LMNB1: variants seen among roughly 807,000 people sequenced by gnomAD.
The protein encoded by LMNB1 is lamin-B1.
Under a neutral mutation model 67.1 loss-of-function variants are expected in LMNB1, and 23 were observed. That is an observed-to-expected ratio of 0.34 (90% CI 0.25 to 0.49). The LOEUF is 0.49. LMNB1 is among the 20% of genes least tolerant of loss of function. LMNB1 has a pLI of 0.99. For synonymous variants in LMNB1, 281 were observed against 282.9 expected, an observed-to-expected ratio of 0.99 and a Z score of 0.07; for missense variants, 634 against 746.5, an observed-to-expected ratio of 0.85 and a Z score of 1.76.
At chr5:126,808,916 C>T (rs1272137771) in intron 3 of LMNB1, among the ~76,000 whole-genome samples, 1 of 151,614 alleles carries the variant, frequency 6.6e-6, no homozygotes, top group African/African-American at 2.4e-5. Context: ...AGCTCAGCTG[C>T]CCAGGCTGGA....
At chr5:126,802,338 C>T (rs1213539613) in intron 1 of LMNB1, among the ~76,000 whole-genome samples, 1 of 152,162 alleles carries the variant, frequency 6.6e-6, no homozygotes, top group African/African-American at 2.4e-5. Flanking sequence ...AGTCCTCAAA[C>T]ATCAGTAAGT....
chr5:126,835,290 G>A (rs1233943095), intron 10 of LMNB1, among the ~76,000 whole-genome samples: 4 of 152,212 alleles, frequency 2.6e-5, no homozygotes, highest in African/African-American at 9.6e-5. Flanking sequence ...ATTTGAGGAT[G>A]AATCCAATCG....
intron 1 of LMNB1, among the ~76,000 whole-genome samples, chr5:126,782,568 GAC>G (rs1401882899): frequency 1.3e-5 from 2 of 152,020 alleles, no homozygotes; most frequent in African/African-American, 4.8e-5. Context: ...TTTATTTTTT[GAC>G]ACAGAGTCTC....
At chr5:126,835,236 A>G (rs1752223289) in intron 10 of LMNB1, among the ~76,000 whole-genome samples, 3 of 152,228 alleles carry the variant, frequency 2.0e-5, no homozygotes, top group African/African-American at 7.2e-5. Flanking sequence ...ACCAAGGTTC[A>G]TAAGAGGGAA....
intron 9 of LMNB1, among the ~76,000 whole-genome samples, chr5:126,827,896 G>A (rs1038553442): frequency 3.9e-5 from 6 of 152,106 alleles, no homozygotes; most frequent in Admixed American, 2.0e-4. Flanking sequence ...ATAGTGCCAC[G>A]GGCAGGCCTC....
chr5:126,830,934 A>G (rs1445312377), intron 9 of LMNB1, among the ~76,000 whole-genome samples: 2 of 152,194 alleles, frequency 1.3e-5, no homozygotes, highest in Non-Finnish European at 2.9e-5. Context: ...TAAAACACTG[A>G]TATTTGTGAA....
chr5:126,812,286 A>G (rs532239028), intron 5 of LMNB1, among the ~76,000 whole-genome samples: 1 of 152,352 alleles, frequency 6.6e-6, no homozygotes, highest in Non-Finnish European at 1.5e-5. Context: ...AAAACATGCA[A>G]AAATTCTTTG....
intron 1 of LMNB1, among the ~76,000 whole-genome samples, chr5:126,798,343 G>T (rs942947896): frequency 1.3e-5 from 2 of 151,748 alleles, no homozygotes; most frequent in Non-Finnish European, 2.9e-5. Context: ...CCAGTTACTC[G>T]GGAGGCTGAG....
chr5:126,802,334 C>CA (rs1254748605), intron 1 of LMNB1, among the ~76,000 whole-genome samples: 1 of 152,164 alleles, frequency 6.6e-6, no homozygotes, highest in Non-Finnish European at 1.5e-5. Flanking sequence ...AGCCAGTCCT[C>CA]AAACATCAGT....
At chr5:126,779,922 C>T (rs554579850) in intron 1 of LMNB1, among the ~76,000 whole-genome samples, 14 of 152,318 alleles carry the variant, frequency 9.2e-5, no homozygotes, top group Admixed American at 8.5e-4. Context: ...GTCTCAGCTA[C>T]TTGGGAGGCT....
intron 3 of LMNB1, among the ~76,000 whole-genome samples, chr5:126,806,241 C>CTG (rs1490289255): frequency 6.6e-6 from 1 of 152,220 alleles, no homozygotes; most frequent in Admixed American, 6.5e-5. Context: ...GTGTGAGCCA[C>CTG]CACATCCGGC....
intron 5 of LMNB1, 68 bp from the exon 6 acceptor site, chr5:126,818,854 T>A: frequency 9.0e-7 from 1 of 1,106,020 alleles, no homozygotes; most frequent in South Asian, 1.3e-5. Flanking sequence ...GGAAATGATT[T>A]AAAATAGCTG....
intron 4 of LMNB1, among the ~76,000 whole-genome samples, chr5:126,810,568 T>G (rs1270338132): frequency 2.6e-5 from 4 of 152,228 alleles, no homozygotes; most frequent in Non-Finnish European, 5.9e-5. Context: ...TGTTGCAATT[T>G]TATTAGAGGT....
At chr5:126,791,178 A>T (rs1750947839) in intron 1 of LMNB1, among the ~76,000 whole-genome samples, 1 of 152,074 alleles carries the variant, frequency 6.6e-6, no homozygotes, top group Non-Finnish European at 1.5e-5. Flanking sequence ...TTTCACAGGG[A>T]TGTTCCTTGT....
intron 1 of LMNB1, among the ~76,000 whole-genome samples, chr5:126,778,759 G>A (rs1750550157): frequency 6.6e-6 from 1 of 152,194 alleles, no homozygotes; most frequent in South Asian, 2.1e-4. Context: ...TTCGGGTAGA[G>A]ACTGTGCTTA....
chr5:126,800,967 AT>A lies in LMNB1; in HGVS notation c.360-3808del, dbSNP rs1561742452. On this transcript the variant is annotated intron_variant, in intron 1 of 10. Transcript: ENST00000261366. ...GCAGCCAGACTATATATATATATAT[AT>A]ATATATATATATAATTTTTTTTTTT... Among the ~76,000 whole-genome samples the A allele has an allele frequency of 4.5e-3, 340 of 75,146 alleles. 4 individuals are homozygous for A. The highest frequency in any genetic ancestry group is 0.013 in the African/African-American group (300 of 22,302). 49.3% of individuals were successfully genotyped at this position (75,146 alleles called of 152,430 possible). A position where few individuals can be genotyped will look rare whatever the true frequency, so the allele number is the denominator to read the frequency against.
At chr5:126,789,177 G>A (rs922382691) in intron 1 of LMNB1, among the ~76,000 whole-genome samples, 3 of 152,138 alleles carry the variant, frequency 2.0e-5, no homozygotes, top group African/African-American at 7.2e-5. Context: ...GTGAGCCACT[G>A]TGTCTGGCGG....
chr5:126,819,167 C>A, intron 6 of LMNB1, 25 bp downstream of exon 6: 1 of 1,513,702 alleles, frequency 6.6e-7, no homozygotes, highest in Non-Finnish European at 9.1e-7. Flanking sequence ...GGTCACCCTA[C>A]CTTATGGTCC....
intron 1 of LMNB1, among the ~76,000 whole-genome samples, chr5:126,782,495 A>G (rs952585062): frequency 6.6e-6 from 1 of 152,192 alleles, no homozygotes; most frequent in Non-Finnish European, 1.5e-5. Context: ...GTGTTAATAA[A>G]AATTTTAGGT....
Sources: allele counts gnomAD v4.1 joint callset (sites outside exome capture counted in the v4.1 genomes callset), GRCh38; gene constraint gnomAD v4.1.1; transcripts MANE v1.5; gene names NCBI Gene and HGNC (gene_info 2026-07-23, HGNC 2026-07-21).